The following GSN variants were observed in gnomAD, a reference collection of about 807,000 sequenced individuals.
GSN encodes the protein gelsolin.
A neutral mutation model predicts 85.7 loss-of-function variants in GSN; 56 were observed. The observed-to-expected ratio is 0.65, with a 90% confidence interval of 0.53 to 0.82. The LOEUF is 0.82. Ranked by LOEUF, GSN falls within the 40% of genes least tolerant of loss-of-function variation. The pLI is 0.00. For missense variants in GSN, 857 were observed against 979.8 expected, an observed-to-expected ratio of 0.87 and a Z score of 1.67; for synonymous variants, 373 against 399.1, an observed-to-expected ratio of 0.93 and a Z score of 0.78.
intron 5 of GSN, among the ~76,000 whole-genome samples, chr9:121,233,616 G>A: frequency 6.6e-6 from 1 of 152,154 alleles, no homozygotes; most frequent in East Asian, 1.9e-4. Flanking sequence ...GCAACTGGCT[G>A]CAACCTCGTA....
At position 121,318,567 on chromosome 9, in the gene GSN, G is replaced by A. The variant is rs1237090346; in HGVS notation, c.975+73G>A. ...GAGGGGATGGGCTGGAGTAGGGCGG[G>A]TGTCCCACCCTCAGTGTGGATGGGG... On this transcript the variant is annotated intron_variant, in intron 9 of 17. Coordinates refer to ENST00000432226, the MANE Select transcript of GSN (RefSeq NM_198252.3). The surrounding 1 kb of genome is among the most constrained non-coding windows in gnomAD (Gnocchi z 4.3). 7 of 1,470,254 alleles carry A rather than the reference G, an allele frequency of 4.8e-6. No individual in the cohort carries two copies. The highest frequency in any genetic ancestry group is 5.7e-6 in the Non-Finnish European group (6 of 1,048,948). 91.1% of individuals were successfully genotyped at this position (1,470,254 alleles called of 1,614,324 possible).
intron 4 of GSN, among the ~76,000 whole-genome samples, chr9:121,304,382 C>T (rs949263283): frequency 6.6e-6 from 1 of 152,232 alleles, no homozygotes; most frequent in Non-Finnish European, 1.5e-5. Context: ...GCCTTGATAC[C>T]TTGCAGAAGG....
chr9:121,244,571 C>A (rs1208596047), intron 5 of GSN, among the ~76,000 whole-genome samples: 1 of 152,172 alleles, frequency 6.6e-6, no homozygotes, highest in East Asian at 1.9e-4. Flanking sequence ...AGTAATCCCA[C>A]TTCTAGATAG....
Position 121,299,599 on chromosome 9 carries a change from AT to A in GSN, c.-9-2361del. 1 of 537,740 alleles carries A rather than the reference AT, an allele frequency of 1.9e-6. No individual in the cohort carries two copies. Among genetic ancestry groups the A allele is most frequent in the Non-Finnish European group, 2.4e-6 (1 of 420,944 alleles). 33.3% of individuals were successfully genotyped at this position (537,740 alleles called of 1,614,324 possible). ...CTCGCCGCCGCTCGTGCCTGCGCCC[AT>A]TTAGTGTGCACACAGCTAGCGCCCG... On this transcript the variant is annotated intron_variant, in intron 2 of 17. Coordinates refer to ENST00000432226, the MANE Select transcript of GSN (RefSeq NM_198252.3). The surrounding 1 kb of genome is among the most constrained non-coding windows in gnomAD (Gnocchi z 4.2).
intron 6 of GSN, among the ~76,000 whole-genome samples, chr9:121,249,599 T>A (rs2054774691): frequency 6.6e-6 from 1 of 152,276 alleles, no homozygotes; most frequent in African/African-American, 2.4e-5. Context: ...ATTTATCTAT[T>A]CTTTCTCTCT....
At chr9:121,240,735 C>T (rs2054587382) in intron 5 of GSN, among the ~76,000 whole-genome samples, 3 of 152,120 alleles carry the variant, frequency 2.0e-5, no homozygotes, top group African/African-American at 7.2e-5. Flanking sequence ...GAGGGGCGGC[C>T]ACTAAAGATG....
chr9:121,330,879 T>C (rs1386249346), intron 16 of GSN, among the ~76,000 whole-genome samples: 2 of 152,202 alleles, frequency 1.3e-5, no homozygotes, highest in Admixed American at 6.5e-5. Context: ...CACTCATTTG[T>C]TGAACGAGTG....
intron 4 of GSN, among the ~76,000 whole-genome samples, chr9:121,220,966 G>C (rs144347711): frequency 2.0e-5 from 3 of 152,180 alleles, no homozygotes; most frequent in Non-Finnish European, 2.9e-5. Flanking sequence ...GGTGTGATTC[G>C]TTTGTTGAAA....
At chr9:121,309,613 G>A (rs891760331) in intron 4 of GSN, 1 of 152,102 alleles carries the variant, frequency 6.6e-6, no homozygotes, top group Admixed American at 6.6e-5. Context: ...GAAAGATTTG[G>A]ATTAGTACCT....
intron 1 of GSN, among the ~76,000 whole-genome samples, chr9:121,278,368 T>C (rs570090869): frequency 6.6e-6 from 1 of 152,326 alleles, no homozygotes; most frequent in African/African-American, 2.4e-5. Context: ...TGGACAGATA[T>C]CATGTTACTC....
At chr9:121,331,486 C>G (rs1364231895) in intron 17 of GSN, 38 bp downstream of exon 17, 1 of 1,289,860 alleles carries the variant, frequency 7.8e-7, no homozygotes, top group Non-Finnish European at 1.1e-6. Context: ...GGGAGGGGTC[C>G]GTTGCTTGTG....
intron 4 of GSN, among the ~76,000 whole-genome samples, chr9:121,307,371 C>T (rs1006314379): frequency 3.9e-5 from 6 of 152,064 alleles, no homozygotes; most frequent in South Asian, 2.1e-4. Context: ...TCCTTGTCTC[C>T]GAGGAATCAA....
At chr9:121,312,143 C>A in intron 5 of GSN, 196 bp from the exon 6 acceptor site, 1 of 580,364 alleles carries the variant, frequency 1.7e-6, no homozygotes, top group South Asian at 2.2e-5. Flanking sequence ...CAGACATGCG[C>A]TCCCATCTCC....
At chr9:121,320,974 C>G (rs1289571738) in intron 10 of GSN, among the ~76,000 whole-genome samples, 1 of 152,128 alleles carries the variant, frequency 6.6e-6, no homozygotes, top group African/African-American at 2.4e-5. Flanking sequence ...CTGGCTCCTC[C>G]CCTCACTGTA....
intron 1 of GSN, among the ~76,000 whole-genome samples, chr9:121,270,101 G>A (rs1229926726): frequency 1.3e-5 from 2 of 152,196 alleles, no homozygotes; most frequent in Admixed American, 6.5e-5. Context: ...AGGAGAAACA[G>A]GAGTTGGGGG....
intron 2 of GSN, among the ~76,000 whole-genome samples, chr9:121,287,723 A>G (rs2058290563): frequency 6.6e-6 from 1 of 151,720 alleles, no homozygotes; most frequent in Admixed American, 6.6e-5. Flanking sequence ...TTATTGAAAT[A>G]TAATTTACAT....
chr9:121,202,125 G>C, the GSN span, among the ~76,000 whole-genome samples: 1 of 152,240 alleles, frequency 6.6e-6, no homozygotes, highest in Non-Finnish European at 1.5e-5. Flanking sequence ...CTCGCCTCTT[G>C]GGGGAGCTAC....
intron 6 of GSN, chr9:121,313,175 C>G (rs1264773981): frequency 6.4e-6 from 1 of 155,060 alleles, no homozygotes; most frequent in Non-Finnish European, 1.4e-5. Flanking sequence ...CCACTGAGCC[C>G]CAATCCCCTC....
chr9:121,268,331 C>G (rs2055367199), intron 1 of GSN, 112 bp downstream of exon 1: 1 of 152,382 alleles, frequency 6.6e-6, no homozygotes, highest in Non-Finnish European at 1.5e-5. Context: ...GAGCTCGGCC[C>G]GGCCGCGGGG....
Sources: allele counts gnomAD v4.1 joint callset (sites outside exome capture counted in the v4.1 genomes callset), GRCh38; gene constraint gnomAD v4.1.1; non-coding constraint Gnocchi (gnomAD v3.1); transcripts MANE v1.5; gene names NCBI Gene and HGNC (gene_info 2026-07-23, HGNC 2026-07-21).